The following PTPRG variants were observed in gnomAD, a reference collection of about 807,000 sequenced individuals.
PTPRG encodes receptor-type tyrosine-protein phosphatase gamma.
A neutral mutation model predicts 165.3 loss-of-function variants in PTPRG; 102 were observed. The ratio of observed to expected loss-of-function variants is 0.62; its 90% CI spans 0.53 to 0.73. The LOEUF is 0.73. Ranked by LOEUF, PTPRG falls within the 30% of genes least tolerant of loss-of-function variation. The pLI is 0.00. For synonymous variants in PTPRG, 675 were observed against 669.5 expected, an observed-to-expected ratio of 1.01 and a Z score of -0.13; for missense variants, 1,866 against 1,861.4, an observed-to-expected ratio of 1.00 and a Z score of -0.05.
Position 62,027,825 on chromosome 3 carries a change from A to G in PTPRG, c.519+24328A>G, listed in dbSNP as rs148859353. ...ACCCAGGAAATGTGTGTGTTCGTCT[A>G]TAGGACAAGGCCGGGGATTAGGAAG... is the stretch of plus-strand genomic sequence containing the variant. On this transcript the variant is annotated intron_variant, in intron 4 of 29. Coordinates refer to ENST00000474889, the MANE Select transcript of PTPRG (RefSeq NM_002841.4). Among the ~76,000 whole-genome samples the G allele has an allele frequency of 8.5e-4, 129 of 152,332 alleles. No individual in the cohort carries two copies. The East Asian group carries it at 0.019, about 22-fold the overall frequency.
Position 62,271,456 on chromosome 3 carries a change from A to G in PTPRG, c.3083A>G (p.Asp1028Gly). The G allele has an allele frequency of 6.2e-7, 1 of 1,613,854 alleles. No individual in the cohort carries two copies. Among genetic ancestry groups the G allele is most frequent in the Non-Finnish European group, 8.5e-7 (1 of 1,179,716 alleles). ...CAGTATCACTATACACAGTGGCCTG[A>G]CATGGGAGTTCCCGAGTATGCCCTT... ...VIQYHYTQWP[D>G]MGVPEYALPV... Residue 1028 changes from aspartate to glycine, a missense_variant, in exon 21 of 30, where the codon GAC becomes GGC. By Grantham distance (94) the Asp-to-Gly change is moderately conservative. Coordinates refer to ENST00000474889, the MANE Select transcript of PTPRG (RefSeq NM_002841.4). The surrounding 1 kb of genome is among the most constrained non-coding windows in gnomAD (Gnocchi z 4.1).
intron 14 of PTPRG, among the ~76,000 whole-genome samples, chr3:62,235,231 G>C (rs1559688179): frequency 6.6e-6 from 1 of 152,156 alleles, no homozygotes; most frequent in Non-Finnish European, 1.5e-5. Flanking sequence ...GGGATATTGT[G>C]TCAGTGCCTT....
chr3:62,073,565 G>A (rs771015136), intron 4 of PTPRG, among the ~76,000 whole-genome samples: 4 of 151,794 alleles, frequency 2.6e-5, no homozygotes, highest in Non-Finnish European at 4.4e-5. Context: ...CACAACCTCC[G>A]TCTCCCAGGT....
At chr3:61,876,834 A>T (rs570232599) in intron 2 of PTPRG, among the ~76,000 whole-genome samples, 1 of 152,232 alleles carries the variant, frequency 6.6e-6, no homozygotes, top group African/African-American at 2.4e-5. Flanking sequence ...TTTTTTTCCC[A>T]ATATATATAC....
At chr3:61,883,201 AAGC>A (rs2037936696) in intron 2 of PTPRG, among the ~76,000 whole-genome samples, 1 of 152,206 alleles carries the variant, frequency 6.6e-6, no homozygotes, top group Non-Finnish European at 1.5e-5. Flanking sequence ...TAACTTGAAG[AAGC>A]TTAGAATAAT....
At chr3:62,009,455 T>C (rs2041368748) in intron 4 of PTPRG, among the ~76,000 whole-genome samples, 1 of 152,216 alleles carries the variant, frequency 6.6e-6, no homozygotes, top group Non-Finnish European at 1.5e-5. Context: ...GTCTTCAATA[T>C]CCATGTCTTC....
rs545530884 is a variant in PTPRG at position 61,636,827 on chromosome 3, A to T, written c.85+74455A>T. ...CTCTGTCTGCTCCTGCACTGTGATGATTTTTTGATTAATCTCATGTAGTAT... is the reference window on the plus strand; with the variant it reads ...CTCTGTCTGCTCCTGCACTGTGATGTTTTTTTGATTAATCTCATGTAGTAT... On this transcript the variant is annotated intron_variant, in intron 1 of 29. Coordinates refer to ENST00000474889, the MANE Select transcript of PTPRG (RefSeq NM_002841.4). 4.9e-4 allele frequency among the ~76,000 whole-genome samples: 74 copies of T among 152,054 alleles called. 5 individuals carry two copies. In the South Asian group the frequency reaches 0.015, roughly 32 times the overall value.
chr3:61,958,648 T>A (rs2040086559), intron 2 of PTPRG, among the ~76,000 whole-genome samples: 1 of 152,230 alleles, frequency 6.6e-6, no homozygotes. Context: ...TAAGTTCTCT[T>A]TATGATCATC....
At chr3:61,987,493 G>C (rs534997757) in intron 2 of PTPRG, among the ~76,000 whole-genome samples, 5 of 152,126 alleles carry the variant, frequency 3.3e-5, no homozygotes, top group Non-Finnish European at 5.9e-5. Context: ...GAATTATCAG[G>C]TATCTGTTTT....
chr3:61,855,403 C>G (rs2037072749), intron 2 of PTPRG, among the ~76,000 whole-genome samples: 1 of 152,100 alleles, frequency 6.6e-6, no homozygotes, highest in Non-Finnish European at 1.5e-5. Flanking sequence ...GAAAGATGTT[C>G]TCATACCCCT....
chr3:62,184,455 A>C (rs567793683), intron 8 of PTPRG, among the ~76,000 whole-genome samples: 5 of 152,224 alleles, frequency 3.3e-5, no homozygotes, highest in Admixed American at 3.3e-4. Context: ...CCCTTCAAAA[A>C]GATAATCACT....
intron 2 of PTPRG, among the ~76,000 whole-genome samples, chr3:61,981,637 A>G (rs778127727): frequency 1.3e-5 from 2 of 152,194 alleles, no homozygotes; most frequent in Non-Finnish European, 2.9e-5. Flanking sequence ...TACTTTTAGT[A>G]AGGTACTTGG....
intron 2 of PTPRG, among the ~76,000 whole-genome samples, chr3:61,842,710 GA>G (rs2036677720): frequency 7.4e-6 from 1 of 135,756 alleles, no homozygotes; most frequent in Non-Finnish European, 1.6e-5. Context: ...AAAAGAAAAA[GA>G]AAAAGCCAAT....
intron 27 of PTPRG, among the ~76,000 whole-genome samples, chr3:62,282,516 A>G (rs1702488789): frequency 6.6e-6 from 1 of 151,126 alleles, no homozygotes; most frequent in African/African-American, 2.4e-5. Flanking sequence ...GGCATGAACC[A>G]CTATGCCTAG....
chr3:61,886,669 A>G (rs2038046621), intron 2 of PTPRG, among the ~76,000 whole-genome samples: 1 of 152,156 alleles, frequency 6.6e-6, no homozygotes, highest in Non-Finnish European at 1.5e-5. Flanking sequence ...TTGATGCAAG[A>G]CATATTGCTG....
rs1056822609 is a variant in PTPRG at position 62,240,203 on chromosome 3, G to A, written c.2376-3604G>A. ...CGTTTTTTAAAAATAAAACCCCCAT[G>A]TAGTCCCAGCTACTTAGGAGGCTGA... On this transcript the variant is annotated intron_variant, in intron 14 of 29. Transcript: ENST00000474889. The surrounding 1 kb of genome is among the most constrained non-coding windows in gnomAD (Gnocchi z 5.1). 1.3e-5 allele frequency among the ~76,000 whole-genome samples: 2 copies of A among 152,146 alleles called. No homozygotes were observed. Among genetic ancestry groups the A allele is most frequent in the African/African-American group, 4.8e-5 (2 of 41,434 alleles).
intron 2 of PTPRG, among the ~76,000 whole-genome samples, chr3:61,883,506 T>C (rs921542198): frequency 6.6e-6 from 1 of 151,992 alleles, no homozygotes; most frequent in African/African-American, 2.4e-5. Flanking sequence ...AATTCAAAAC[T>C]CCTCTCGTTC....
chr3:61,849,475 A>G (rs1275448357), intron 2 of PTPRG, among the ~76,000 whole-genome samples: 7 of 152,210 alleles, frequency 4.6e-5, no homozygotes, highest in African/African-American at 1.7e-4. Flanking sequence ...TCCCTGAAAG[A>G]TGGATTTGAA....
At chr3:61,784,830 A>T (rs1029813894) in intron 2 of PTPRG, among the ~76,000 whole-genome samples, 4 of 152,164 alleles carry the variant, frequency 2.6e-5, no homozygotes, top group Non-Finnish European at 5.9e-5. Flanking sequence ...TATCTTGAAA[A>T]TTTACCTCTC....
Sources: allele counts gnomAD v4.1 joint callset (sites outside exome capture counted in the v4.1 genomes callset), GRCh38; gene constraint gnomAD v4.1.1; non-coding constraint Gnocchi (gnomAD v3.1); transcripts MANE v1.5; gene names NCBI Gene and HGNC (gene_info 2026-07-23, HGNC 2026-07-21).